Variants in HIBADH observed in about 807,000 individuals in gnomAD.
The protein encoded by HIBADH is 3-hydroxyisobutyrate dehydrogenase.
HIBADH carries 25 observed loss-of-function variants against 36.1 expected under a neutral mutation model. The ratio of observed to expected loss-of-function variants is 0.69; its 90% CI spans 0.50 to 0.97. The LOEUF is 0.97. HIBADH is among the 50% of genes least tolerant of loss of function. The pLI is 0.00. For synonymous variants in HIBADH, 160 were observed against 149.5 expected, an observed-to-expected ratio of 1.07 and a Z score of -0.51; for missense variants, 421 against 418.0, an observed-to-expected ratio of 1.01 and a Z score of -0.06.
intron 4 of HIBADH, among the ~76,000 whole-genome samples, chr7:27,544,419 T>G (rs1784204131): frequency 1.3e-5 from 2 of 152,210 alleles, no homozygotes; most frequent in African/African-American, 4.8e-5. Flanking sequence ...ATGGTTAAAT[T>G]ACACCATTTT....
At chr7:27,659,825 A>C (rs1414301672) in intron 1 of HIBADH, among the ~76,000 whole-genome samples, 1 of 152,258 alleles carries the variant, frequency 6.6e-6, no homozygotes, top group East Asian at 1.9e-4. Flanking sequence ...TGGGAGGTCA[A>C]GGCAAGAGGA....
intron 4 of HIBADH, among the ~76,000 whole-genome samples, chr7:27,615,593 T>C (rs997524932): frequency 6.6e-6 from 1 of 152,166 alleles, no homozygotes; most frequent in Non-Finnish European, 1.5e-5. Flanking sequence ...CCTAGTAATG[T>C]CACAGCACAA....
At chr7:27,625,206 C>T (rs6954905) in intron 4 of HIBADH, among the ~76,000 whole-genome samples, 120,751 of 152,064 alleles carry the variant, frequency 0.79, 48,334 homozygotes, top group East Asian at 0.97. Context: ...TAAGGCTACA[C>T]GTGTCTACAG....
At chr7:27,575,157 T>G (rs940613532) in intron 4 of HIBADH, among the ~76,000 whole-genome samples, 2 of 152,216 alleles carry the variant, frequency 1.3e-5, no homozygotes, top group Non-Finnish European at 2.9e-5. Flanking sequence ...GTTTTTTAAT[T>G]GGAAATTTTA....
chr7:27,595,476 G>A lies in HIBADH; in HGVS notation c.484+33895C>T, dbSNP rs144749492. Among the ~76,000 whole-genome samples, 505 of 152,108 alleles carry A rather than the reference G, an allele frequency of 3.3e-3. 7 individuals are homozygous for A. The highest frequency in any genetic ancestry group is 0.011 in the African/African-American group (476 of 41,478). On this transcript the variant is annotated intron_variant, in intron 4 of 7. Coordinates refer to ENST00000265395, the MANE Select transcript of HIBADH (RefSeq NM_152740.4). ...GAGGTTGCAGTGAGCCTAGACCGTG[G>A]CAGTGAGCCTAGATTGTGACACTGC...
chr7:27,574,513 T>TG (rs1784679318), intron 4 of HIBADH, among the ~76,000 whole-genome samples: 1 of 152,190 alleles, frequency 6.6e-6, no homozygotes, highest in Admixed American at 6.5e-5. Flanking sequence ...ACTCTTTACC[T>TG]TTTTTATTTG....
intron 4 of HIBADH, among the ~76,000 whole-genome samples, chr7:27,626,126 A>AAAAAAG (rs1785639522): frequency 6.7e-6 from 1 of 149,772 alleles, no homozygotes; most frequent in African/African-American, 2.5e-5. Context: ...AAAAAAAAAA[A>AAAAAAG]GATGTACAGT....
At chr7:27,609,799 G>A (rs1358020347) in intron 4 of HIBADH, among the ~76,000 whole-genome samples, 1 of 151,944 alleles carries the variant, frequency 6.6e-6, no homozygotes, top group Non-Finnish European at 1.5e-5. Context: ...TAATTAAAAA[G>A]TAAGTTTTTA....
At chr7:27,569,977 C>T (rs966205976) in intron 4 of HIBADH, among the ~76,000 whole-genome samples, 1 of 152,160 alleles carries the variant, frequency 6.6e-6, no homozygotes, top group African/African-American at 2.4e-5. Context: ...CATAGAGCCT[C>T]TCTTCCTGCT....
intron 4 of HIBADH, among the ~76,000 whole-genome samples, chr7:27,570,708 G>A (rs1784615627): frequency 6.6e-6 from 1 of 151,792 alleles, no homozygotes; most frequent in African/African-American, 2.4e-5. Context: ...AATGCTGGGG[G>A]CGGTGGGGGG....
chr7:27,573,776 G>C (rs887286585), intron 4 of HIBADH, among the ~76,000 whole-genome samples: 11 of 152,102 alleles, frequency 7.2e-5, no homozygotes, highest in Non-Finnish European at 2.9e-5. Flanking sequence ...TGTGCTTTAA[G>C]TGTAAAACAC....
chr7:27,589,117 T>C (rs1055729245), intron 4 of HIBADH, among the ~76,000 whole-genome samples: 6 of 152,200 alleles, frequency 3.9e-5, no homozygotes, highest in South Asian at 4.1e-4. Flanking sequence ...TTAGGTAATA[T>C]AGGTATATTG....
At chr7:27,627,361 T>C (rs754236275) in intron 4 of HIBADH, among the ~76,000 whole-genome samples, 1 of 152,226 alleles carries the variant, frequency 6.6e-6, no homozygotes, top group East Asian at 1.9e-4. Context: ...CAATCAGCAA[T>C]CCCCACATTT....
At chr7:27,574,068 C>A (rs1308703941) in intron 4 of HIBADH, among the ~76,000 whole-genome samples, 1 of 152,094 alleles carries the variant, frequency 6.6e-6, no homozygotes, top group African/African-American at 2.4e-5. Flanking sequence ...GGACCAAGAG[C>A]TAGAGCTGGT....
At chr7:27,530,308 C>T (rs962670818) in intron 7 of HIBADH, among the ~76,000 whole-genome samples, 7 of 152,048 alleles carry the variant, frequency 4.6e-5, no homozygotes, top group African/African-American at 7.2e-5. Flanking sequence ...CGGGTTCAAG[C>T]GATTCTCCTG....
intron 4 of HIBADH, among the ~76,000 whole-genome samples, chr7:27,626,104 G>GAAAAA (rs70994672): frequency 0.34 from 24,894 of 72,360 alleles, 6,405 homozygotes; most frequent in East Asian, 0.57. Flanking sequence ...CTCCGTCTCA[G>GAAAAA]AAAAAAAAAA....
intron 5 of HIBADH, among the ~76,000 whole-genome samples, chr7:27,541,056 A>G (rs751893390): frequency 3.9e-5 from 6 of 152,118 alleles, no homozygotes; most frequent in African/African-American, 4.8e-5. Flanking sequence ...ACAAAACAGT[A>G]GAGTTAGCCT....
At chr7:27,588,700 A>G (rs1784898961) in intron 4 of HIBADH, among the ~76,000 whole-genome samples, 2 of 152,210 alleles carry the variant, frequency 1.3e-5, no homozygotes, top group East Asian at 1.9e-4. Flanking sequence ...TACTAACTCT[A>G]TAATTTTGCT....
At chr7:27,571,875 A>G (rs1205526661) in intron 4 of HIBADH, among the ~76,000 whole-genome samples, 1 of 152,220 alleles carries the variant, frequency 6.6e-6, no homozygotes, top group East Asian at 1.9e-4. Context: ...ATGCCCATAA[A>G]TTCAGAGCTA....
Sources: gnomAD v4.1 joint callset for allele counts (sites outside exome capture counted in the v4.1 genomes callset) on GRCh38, gnomAD v4.1.1 for gene constraint, MANE v1.5 for transcripts, NCBI Gene and HGNC (gene_info 2026-07-23, HGNC 2026-07-21) for gene names.